Variants in ASIC2 observed in about 807,000 individuals in gnomAD.
ASIC2 encodes acid-sensing ion channel 2.
ASIC2 carries 25 observed loss-of-function variants against 57.3 expected under a neutral mutation model. The observed-to-expected ratio is 0.44, with a 90% confidence interval of 0.32 to 0.61. The LOEUF (loss-of-function observed/expected upper bound fraction) is 0.61, where lower values mean the gene tolerates loss of function less well. Ranked by LOEUF, ASIC2 falls within the 20% of genes least tolerant of loss-of-function variation. The pLI is 0.06. For synonymous variants in ASIC2, 319 were observed against 307.5 expected (o/e 1.04, Z -0.39); for missense variants, 641 against 738.1 (o/e 0.87, Z 1.52).
intron 1 of ASIC2, among the ~76,000 whole-genome samples, chr17:33,358,922 C>G (rs1908491498): frequency 6.6e-6 from 1 of 152,198 alleles, no homozygotes; most frequent in African/African-American, 2.4e-5. Flanking sequence ...AGCTAGTCAT[C>G]TACAAATTTC....
intron 1 of ASIC2, among the ~76,000 whole-genome samples, chr17:33,312,016 T>C (rs936742343): frequency 2.6e-5 from 4 of 152,154 alleles, no homozygotes; most frequent in African/African-American, 9.7e-5. Flanking sequence ...CCTGCAGTGG[T>C]CTCTGGGAGT....
At chr17:33,582,023 C>T (rs1904459695) in intron 1 of ASIC2, among the ~76,000 whole-genome samples, 1 of 152,174 alleles carries the variant, frequency 6.6e-6, no homozygotes, top group African/African-American at 2.4e-5. Context: ...GATTCAGCAC[C>T]AATTGTCCTT....
At chr17:33,321,970 C>T (rs1023456324) in intron 1 of ASIC2, among the ~76,000 whole-genome samples, 1 of 152,190 alleles carries the variant, frequency 6.6e-6, no homozygotes, top group Admixed American at 6.5e-5. Flanking sequence ...CTCAGTCTAC[C>T]TGAGACGCCA....
At chr17:33,627,100 A>T (rs532770356) in intron 1 of ASIC2, 15 of 152,306 alleles carry the variant, frequency 9.8e-5, no homozygotes, top group African/African-American at 3.4e-4. Context: ...CTGTTCTCAC[A>T]CATGTAACCT....
chr17:33,942,872 C>T (rs571311287), intron 1 of ASIC2, among the ~76,000 whole-genome samples: 31 of 152,190 alleles, frequency 2.0e-4, no homozygotes, highest in Non-Finnish European at 3.7e-4. Flanking sequence ...GAGGAACTTG[C>T]CTTTAGGGCT....
chr17:33,675,302 C>A (rs1907784152), intron 1 of ASIC2, among the ~76,000 whole-genome samples: 1 of 152,188 alleles, frequency 6.6e-6, no homozygotes, highest in African/African-American at 2.4e-5. Context: ...AGGGTGGCTG[C>A]AGTGTGTTGT....
chr17:34,077,348 G>A (rs1446058554), intron 1 of ASIC2, among the ~76,000 whole-genome samples: 2 of 152,192 alleles, frequency 1.3e-5, no homozygotes, highest in Non-Finnish European at 2.9e-5. Context: ...AGGCAGCTGC[G>A]CTCATGGTCC....
At chr17:33,914,657 T>C (rs961040700) in intron 1 of ASIC2, among the ~76,000 whole-genome samples, 2 of 152,200 alleles carry the variant, frequency 1.3e-5, no homozygotes, top group Non-Finnish European at 2.9e-5. Flanking sequence ...CGCAGTGTTG[T>C]AGGGACCTGC....
intron 3 of ASIC2, among the ~76,000 whole-genome samples, chr17:33,063,284 T>C (rs1279441800): frequency 2.0e-5 from 3 of 152,244 alleles, no homozygotes; most frequent in Non-Finnish European, 2.9e-5. Flanking sequence ...TGTCATGTTT[T>C]TGCAGTGGCT....
intron 1 of ASIC2, among the ~76,000 whole-genome samples, chr17:33,859,606 T>C (rs185162599): frequency 9.5e-4 from 144 of 152,260 alleles, no homozygotes; most frequent in South Asian, 2.3e-3. Context: ...GGAGAAGGTA[T>C]TGACTGGAAT....
intron 1 of ASIC2, among the ~76,000 whole-genome samples, chr17:33,649,893 T>C (rs1906863727): frequency 6.6e-6 from 1 of 152,230 alleles, no homozygotes. Flanking sequence ...GACTTTTGTA[T>C]AAATGGTAAA....
chr17:34,034,883 A>C (rs1198897932), intron 1 of ASIC2, among the ~76,000 whole-genome samples: 1 of 152,322 alleles, frequency 6.6e-6, no homozygotes, highest in East Asian at 1.9e-4. Flanking sequence ...AAATGGAAGA[A>C]CATTCCATGC....
chr17:33,677,475 C>T (rs915931816), intron 1 of ASIC2, among the ~76,000 whole-genome samples: 23 of 152,320 alleles, frequency 1.5e-4, no homozygotes, highest in Non-Finnish European at 2.6e-4. Flanking sequence ...AGTAATTCCC[C>T]TGATGAATCC....
At chr17:33,585,854 C>A (rs1904612198) in intron 1 of ASIC2, among the ~76,000 whole-genome samples, 1 of 152,120 alleles carries the variant, frequency 6.6e-6, no homozygotes, top group South Asian at 2.1e-4. Flanking sequence ...ACATATATGT[C>A]TTGAAAGCTG....
chr17:33,653,753 AG>A (rs1256779116), intron 1 of ASIC2, among the ~76,000 whole-genome samples: 2 of 152,248 alleles, frequency 1.3e-5, no homozygotes, highest in African/African-American at 4.8e-5. Flanking sequence ...ATATAGAAGA[AG>A]AAACATGGAA....
intron 1 of ASIC2, among the ~76,000 whole-genome samples, chr17:34,092,130 G>A (rs1910355988): frequency 6.6e-6 from 1 of 152,180 alleles, no homozygotes. Context: ...GTCTACACCA[G>A]TACACCCCCA....
At chr17:33,071,275 T>C (rs769526360) in intron 3 of ASIC2, among the ~76,000 whole-genome samples, 1 of 152,224 alleles carries the variant, frequency 6.6e-6, no homozygotes, top group Non-Finnish European at 1.5e-5. Flanking sequence ...CATTGCTACA[T>C]TCTTCATTTT....
At chr17:34,145,202 C>T (rs995387814) in intron 1 of ASIC2, among the ~76,000 whole-genome samples, 2 of 152,212 alleles carry the variant, frequency 1.3e-5, no homozygotes, top group African/African-American at 4.8e-5. Context: ...CTGAAATATC[C>T]ACTCTTTTGT....
At chr17:33,518,260 G>A (rs937044961) in intron 1 of ASIC2, among the ~76,000 whole-genome samples, 2 of 152,244 alleles carry the variant, frequency 1.3e-5, no homozygotes, top group African/African-American at 4.8e-5. Flanking sequence ...CCTCCAGGAT[G>A]TGAGCTTATT....
Sources: allele counts gnomAD v4.1 joint callset (sites outside exome capture counted in the v4.1 genomes callset), GRCh38; gene constraint gnomAD v4.1.1; transcripts MANE v1.5; gene names NCBI Gene and HGNC (gene_info 2026-07-23, HGNC 2026-07-21).